CCDC171: variants seen among roughly 807,000 people sequenced by gnomAD.
CCDC171 encodes coiled-coil domain-containing protein 171.
A neutral mutation model predicts 168.2 loss-of-function variants in CCDC171; 177 were observed. The ratio of observed to expected loss-of-function variants is 1.05; its 90% CI spans 0.93 to 1.19. CCDC171 has a LOEUF of 1.19. Among genes scored for constraint, CCDC171 ranks in the 50% most tolerant of loss-of-function variants. The pLI is 0.00. For synonymous variants in CCDC171, 687 were observed against 540.8 expected (o/e 1.27, Z -3.75); for missense variants, 1,991 against 1,539.0 (o/e 1.29, Z -4.91).
At chr9:15,753,979 G>A (rs1030858398) in intron 18 of CCDC171, among the ~76,000 whole-genome samples, 1 of 152,078 alleles carries the variant, frequency 6.6e-6, no homozygotes, top group Non-Finnish European at 1.5e-5. Flanking sequence ...AACATGATGA[G>A]GGGTTTGTTT....
At chr9:15,789,390 G>C (rs1348171791) in intron 21 of CCDC171, among the ~76,000 whole-genome samples, 1 of 152,116 alleles carries the variant, frequency 6.6e-6, no homozygotes, top group Admixed American at 6.5e-5. Context: ...TAAGCTTTGG[G>C]TTCCACCAGC....
chr9:15,893,916 C>T (rs971542659), intron 24 of CCDC171, among the ~76,000 whole-genome samples: 1 of 152,138 alleles, frequency 6.6e-6, no homozygotes, highest in Non-Finnish European at 1.5e-5. Flanking sequence ...CCAGCAATCC[C>T]ATTACTGGGT....
At chr9:15,942,910 A>C (rs1827891256) in intron 25 of CCDC171, among the ~76,000 whole-genome samples, 1 of 151,998 alleles carries the variant, frequency 6.6e-6, no homozygotes. Context: ...AAAGAAAAAG[A>C]AACAAAGCAA....
rs145396565 is a variant in CCDC171 at position 15,625,472 on chromosome 9, C to G, written c.822+2059C>G. 7.2e-5 allele frequency among the ~76,000 whole-genome samples: 11 copies of G among 152,174 alleles called. 1 individual carries two copies. In the South Asian group the frequency reaches 2.3e-3, roughly 32 times the overall value. On this transcript the variant is annotated intron_variant, in intron 7 of 25. Coordinates refer to ENST00000380701, the MANE Select transcript of CCDC171 (RefSeq NM_173550.4). The stretch of plus-strand genomic sequence containing the variant: ...TAGGTCTAACATTTAAGTCTTTAAT[C>G]CATCTTGAATTAATTTTTGTATAAG...
the CCDC171 span, among the ~76,000 whole-genome samples, chr9:16,087,617 T>C: frequency 6.6e-6 from 1 of 150,856 alleles, no homozygotes; most frequent in African/African-American, 2.4e-5. Context: ...TCCATCCCTT[T>C]ATTTTGAGCC....
downstream of CCDC171, among the ~76,000 whole-genome samples, chr9:15,978,003 A>C (rs903246704): frequency 6.7e-6 from 1 of 148,692 alleles, no homozygotes; most frequent in African/African-American, 2.6e-5. Flanking sequence ...AGTAACCAAA[A>C]TACATTTTCT....
intron 3 of CCDC171, among the ~76,000 whole-genome samples, chr9:15,576,333 C>T (rs1317226894): frequency 2.6e-5 from 4 of 151,770 alleles, no homozygotes; most frequent in African/African-American, 7.3e-5. Context: ...TAGGTGTGTG[C>T]CATCACACCT....
At chr9:15,651,348 A>T (rs1359656505) in intron 7 of CCDC171, among the ~76,000 whole-genome samples, 1 of 151,588 alleles carries the variant, frequency 6.6e-6, no homozygotes, top group East Asian at 1.9e-4. Flanking sequence ...ACCTCAGGTG[A>T]TCTGCCTGCC....
At position 15,874,270 on chromosome 9, in the gene CCDC171, C is replaced by G. The variant is rs1817554546; in HGVS notation, c.3469-262C>G. On this transcript the variant is annotated intron_variant, in intron 23 of 25. Coordinates refer to ENST00000380701, the MANE Select transcript of CCDC171 (RefSeq NM_173550.4). ...GAACTGTGAAAAAATAATTCAAAAC[C>G]TCTTGATCAGAAGAGCTCTAGTGAC... 2.6e-5 allele frequency among the ~76,000 whole-genome samples: 4 copies of G among 151,966 alleles called. No homozygotes were observed. The South Asian group carries it at 8.3e-4, about 32-fold the overall frequency.
intron 21 of CCDC171, among the ~76,000 whole-genome samples, chr9:15,836,584 C>T (rs2084634322): frequency 6.6e-6 from 1 of 152,136 alleles, no homozygotes; most frequent in Non-Finnish European, 1.5e-5. Flanking sequence ...ATCTCCTGAC[C>T]TCGTGATCCG....
At position 15,591,479 on chromosome 9, in the gene CCDC171, G is replaced by C. The variant is rs544994402; in HGVS notation, c.466G>C (p.Asp156His). The C allele has an allele frequency of 1.1e-5, 18 of 1,608,602 alleles. No individual in the cohort carries two copies. The African/African-American group carries it at 2.3e-4, about 20-fold the overall frequency. The change falls in exon 5 of 26, where the codon GAC (aspartate) becomes CAC (histidine). Residue 156 changes from aspartate to histidine, a missense_variant. Asp to His is a moderately conservative substitution (Grantham distance 81). Coordinates refer to ENST00000380701, the MANE Select transcript of CCDC171 (RefSeq NM_173550.4). The part of the protein sequence containing the change: ...RRFEHDLEER[D>H]NMIQNCNREY... Reference sequence around the variant, plus strand: ...ATTTGAACATGATTTGGAGGAAAGAGACAATATGATCCAAAATTGCAATCG... The same window carrying C: ...ATTTGAACATGATTTGGAGGAAAGACACAATATGATCCAAAATTGCAATCG...
the CCDC171 span, among the ~76,000 whole-genome samples, chr9:16,103,028 G>T: frequency 0.012 from 1,856 of 152,304 alleles, 43 homozygotes; most frequent in African/African-American, 0.043. Flanking sequence ...TAATGCAATT[G>T]CTCTTCAAGC....
chr9:15,972,978 C>T lies in CCDC171; in HGVS notation c.*1142C>T, dbSNP rs752658658. 1.3e-5 allele frequency: 2 copies of T among 152,100 alleles called. No individual in the cohort carries two copies. Among genetic ancestry groups the T allele is most frequent in the Non-Finnish European group, 2.9e-5 (2 of 68,018 alleles). The allele number at this position is 152,100 out of a possible 1,614,324, so 9.4% of individuals were successfully genotyped here. A position where few individuals can be genotyped will look rare whatever the true frequency, so the allele number is the denominator to read the frequency against. On this transcript the variant is annotated 3_prime_UTR_variant, in exon 26 of 26. Coordinates refer to ENST00000380701, the MANE Select transcript of CCDC171 (RefSeq NM_173550.4). ...AACTTACTTGACAAGCTTTTGGGTG[C>T]TTTGTGGCTTGACAAAGTGATGTTC...
intron 9 of CCDC171, among the ~76,000 whole-genome samples, chr9:15,675,810 T>C (rs1260752738): frequency 6.6e-6 from 1 of 152,208 alleles, no homozygotes; most frequent in Admixed American, 6.5e-5. Context: ...TAACATTTTT[T>C]CCTTCATTTC....
At chr9:16,060,028 TA>T (rs1833907449) in intron 1 of CCDC171, among the ~76,000 whole-genome samples, 1 of 152,110 alleles carries the variant, frequency 6.6e-6, no homozygotes, top group Non-Finnish European at 1.5e-5. Flanking sequence ...GAAAAACAAA[TA>T]AAAAGCAACT....
chr9:15,706,469 A>G (rs768958123), intron 11 of CCDC171, among the ~76,000 whole-genome samples: 3 of 151,722 alleles, frequency 2.0e-5, no homozygotes, highest in Non-Finnish European at 4.4e-5. Flanking sequence ...TGTATTTTTT[A>G]TAGAGATGGG....
chr9:16,107,728 C>T, the CCDC171 span, among the ~76,000 whole-genome samples: 14 of 152,170 alleles, frequency 9.2e-5, no homozygotes, highest in East Asian at 2.7e-3. Flanking sequence ...TTCTTATAAA[C>T]AATGACTTTC....
chr9:15,807,116 T>C (rs2059116872), intron 21 of CCDC171, among the ~76,000 whole-genome samples: 1 of 152,216 alleles, frequency 6.6e-6, no homozygotes, highest in Non-Finnish European at 1.5e-5. Flanking sequence ...AGCTCCTGTA[T>C]GGTTTTATCG....
chr9:15,563,987 C>A lies in CCDC171; in HGVS notation c.-102C>A. On this transcript the variant is annotated 5_prime_UTR_variant, in exon 2 of 26. Transcript: ENST00000380701. Reference sequence around the variant, plus strand: ...TTTACTATTTTAACAGACCTCAAATCATCTAACGTGAAGCCACAGACATCT... The same window carrying A: ...TTTACTATTTTAACAGACCTCAAATAATCTAACGTGAAGCCACAGACATCT... The A allele has an allele frequency of 1.2e-6, 1 of 831,320 alleles. No individual in the cohort carries two copies. The highest frequency in any genetic ancestry group is 2.0e-6 in the Non-Finnish European group (1 of 495,202). The allele number at this position is 831,320 out of a possible 1,614,324, so 51.5% of individuals were successfully genotyped here.
Sources: allele counts gnomAD v4.1 joint callset (sites outside exome capture counted in the v4.1 genomes callset), GRCh38; gene constraint gnomAD v4.1.1; transcripts MANE v1.5; gene names NCBI Gene and HGNC (gene_info 2026-07-23, HGNC 2026-07-21).